Variants in XPO7 observed in about 807,000 individuals in gnomAD.
The protein encoded by XPO7 is exportin 7.
In XPO7, 21 loss-of-function variants were observed where a neutral mutation model predicts 144.3. The observed-to-expected ratio is 0.15, with a 90% CI of 0.10 to 0.21. The LOEUF (loss-of-function observed/expected upper bound fraction) is 0.21, where lower values mean the gene tolerates loss of function less well. Among genes scored for constraint, XPO7 ranks in the 10% least tolerant of loss-of-function variants. The pLI is 1.00. For synonymous variants in XPO7, 580 were observed against 499.6 expected (o/e 1.16, Z -2.15); for missense variants, 808 against 1,325.8 (o/e 0.61, Z 6.06).
intron 16 of XPO7, 128 bp downstream of exon 16, chr8:21,989,211 A>G: frequency 1.1e-6 from 1 of 902,798 alleles, no homozygotes; most frequent in Non-Finnish European, 1.6e-6. Context: ...CCATTTTCCT[A>G]GGAGTCCAAA....
Position 21,987,296 on chromosome 8 carries a change from C to T in XPO7, c.1713+20C>T. On this transcript the variant is annotated intron_variant, in intron 14 of 27. Coordinates refer to ENST00000252512, the MANE Select transcript of XPO7 (RefSeq NM_015024.5). ...TCTAAGGTAACAGCCTCTCAATTGG[C>T]TCCCCTTAGTTCTCACTTCTCACTT... The T allele has an allele frequency of 6.2e-7, 1 of 1,613,782 alleles. No individual in the cohort carries two copies. The highest frequency in any genetic ancestry group is 8.5e-7 in the Non-Finnish European group (1 of 1,179,746).
chr8:21,952,113 A>C (rs1219170253), intron 1 of XPO7, among the ~76,000 whole-genome samples: 1 of 152,204 alleles, frequency 6.6e-6, no homozygotes, highest in East Asian at 1.9e-4. Context: ...ATGCCACTTT[A>C]GGATGTGAGG....
In XPO7 at chr8:21,966,932, A is replaced by G; in HGVS notation, c.94A>G (p.Lys32Glu). 6.2e-7 allele frequency: 1 copy of G among 1,614,038 alleles called. No individual in the cohort carries two copies. The highest frequency in any genetic ancestry group is 8.5e-7 in the Non-Finnish European group (1 of 1,179,884). Reference sequence around the variant, plus strand: ...CACAACCACTCGACTCCAGGCAGAGAAAGCCTTGGTTGAATTTACCAACAG... The same window carrying G: ...CACAACCACTCGACTCCAGGCAGAGGAAGCCTTGGTTGAATTTACCAACAG... Reference protein sequence around the residue: ...TDTTTRLQAEKALVEFTNSPD... With the variant: ...TDTTTRLQAEEALVEFTNSPD... Residue 32 changes from lysine (K) to glutamate (E), a missense_variant, in exon 2 of 28, where the codon AAA (lysine) becomes GAA (glutamate). Lys to Glu is a moderately conservative substitution (Grantham distance 56). Around this residue, in one of 5 missense-constraint regions of XPO7, gnomAD observed 223 missense variants for 368.8 expected, o/e 0.60. Coordinates refer to ENST00000252512, the MANE Select transcript of XPO7 (RefSeq NM_015024.5).
In XPO7 at chr8:21,984,748, C is replaced by T. The variant is rs1267940579; in HGVS notation, c.1380C>T (p.Leu460=). 4 of 1,613,996 alleles carry T rather than the reference C, an allele frequency of 2.5e-6. No homozygotes were observed. In the South Asian group the frequency reaches 4.4e-5, roughly 18 times the overall value. The part of the protein sequence containing the change: ...GRCEYEKTCA[L]LVQLFDQSAQ... ...GTGAATATGAGAAGACGTGTGCACT[C>T]CTCGTGCAGTTGTTTGACCAGTCGG... Residue 460 remains leucine, a synonymous_variant, in exon 12 of 28, where the codon CTC becomes CTT. Transcript: ENST00000252512.
rs1443079818 is a variant in XPO7, at chr8:21,936,106, T to C, written c.18+16318T>C. Among the ~76,000 whole-genome samples the C allele has an allele frequency of 2.0e-5, 3 of 152,200 alleles. No homozygotes were observed. In the East Asian group the frequency reaches 5.8e-4, roughly 29 times the overall value. Reference sequence around the variant, plus strand: ...ACAATTTGCTAAGTGTAAATTCCTTTAGTTTCCAGTCTTTTAATGTCTGCT... The same window carrying C: ...ACAATTTGCTAAGTGTAAATTCCTTCAGTTTCCAGTCTTTTAATGTCTGCT... On this transcript the variant is annotated intron_variant, in intron 1 of 27. Coordinates refer to ENST00000252512, the MANE Select transcript of XPO7 (RefSeq NM_015024.5).
chr8:21,923,552 C>T (rs935385418), intron 1 of XPO7, among the ~76,000 whole-genome samples: 9 of 151,976 alleles, frequency 5.9e-5, no homozygotes, highest in Non-Finnish European at 1.2e-4. Flanking sequence ...AGTATATTTC[C>T]TGAGAAGCCT....
intron 1 of XPO7, among the ~76,000 whole-genome samples, chr8:21,941,671 A>G (rs146424448): frequency 6.6e-6 from 1 of 152,330 alleles, no homozygotes; most frequent in African/African-American, 2.4e-5. Context: ...GGCCAATTAT[A>G]TAAGGAAATG....
Position 21,957,815 on chromosome 8 carries a change from C to T in XPO7, c.19-9042C>T, listed in dbSNP as rs76879231. ...GGATTATAGGCATGCACAACCATGC[C>T]TGGCCTTGCTTTGCCTTCTTGTTTC... On this transcript the variant is annotated intron_variant, in intron 1 of 27. Coordinates refer to ENST00000252512, the MANE Select transcript of XPO7 (RefSeq NM_015024.5). Among the ~76,000 whole-genome samples, 11 of 152,296 alleles carry T rather than the reference C, an allele frequency of 7.2e-5. No individual in the cohort carries two copies. In the East Asian group the frequency reaches 2.1e-3, roughly 29 times the overall value.
chr8:21,994,090 C>T lies in XPO7; in HGVS notation c.2149-273C>T, dbSNP rs776266123. Reference sequence around the variant, plus strand: ...CTCTATTTTTGCTACGAACCAGGAACGTATTTTCTTGGCAAAACAAACTTC... The same window carrying T: ...CTCTATTTTTGCTACGAACCAGGAATGTATTTTCTTGGCAAAACAAACTTC... On this transcript the variant is annotated intron_variant, in intron 19 of 27. Coordinates refer to ENST00000252512, the MANE Select transcript of XPO7 (RefSeq NM_015024.5). 1.7e-4 allele frequency among the ~76,000 whole-genome samples: 26 copies of T among 151,922 alleles called. 1 individual carries two copies. Among genetic ancestry groups the T allele is most frequent in the Non-Finnish European group, 2.9e-4 (20 of 67,994 alleles).
intron 1 of XPO7, chr8:21,966,181 T>C (rs1377678246): frequency 2.9e-6 from 2 of 694,874 alleles, no homozygotes; most frequent in Non-Finnish European, 5.3e-6. Context: ...CCTTGTCTTA[T>C]CTGTGAGTGA....
At chr8:21,953,282 C>T (rs535480426) in intron 1 of XPO7, among the ~76,000 whole-genome samples, 1 of 152,126 alleles carries the variant, frequency 6.6e-6, no homozygotes, top group East Asian at 1.9e-4. Flanking sequence ...ATTTCTCCCC[C>T]CCTGCAAACT....
intron 2 of XPO7, among the ~76,000 whole-genome samples, chr8:21,967,633 A>T (rs1452789082): frequency 6.6e-6 from 1 of 152,052 alleles, no homozygotes; most frequent in Non-Finnish European, 1.5e-5. Context: ...ACACCCGGCC[A>T]ATAAATGACC....
chr8:21,930,197 T>G (rs1387474353), intron 1 of XPO7, among the ~76,000 whole-genome samples: 3 of 152,378 alleles, frequency 2.0e-5, no homozygotes, highest in Non-Finnish European at 4.4e-5. Context: ...TTCACCTATT[T>G]AACAGAATAG....
intron 1 of XPO7, among the ~76,000 whole-genome samples, chr8:21,932,128 A>G (rs1810673239): frequency 6.6e-6 from 1 of 152,082 alleles, no homozygotes; most frequent in Non-Finnish European, 1.5e-5. Context: ...CACGCCTCCC[A>G]AAGTGCTGAG....
chr8:22,003,590 G>A (rs1813226220), intron 26 of XPO7, among the ~76,000 whole-genome samples: 1 of 152,158 alleles, frequency 6.6e-6, no homozygotes, highest in South Asian at 2.1e-4. Context: ...ATGTACCTGG[G>A]TATCAGAGGA....
chr8:21,927,135 G>A (rs1013514251), intron 1 of XPO7, among the ~76,000 whole-genome samples: 1 of 152,020 alleles, frequency 6.6e-6, no homozygotes, highest in African/African-American at 2.4e-5. Flanking sequence ...TGTAGTCCCA[G>A]CTACTGGGGG....
chr8:21,975,107 A>C (rs1193142725), intron 6 of XPO7, among the ~76,000 whole-genome samples: 1 of 152,250 alleles, frequency 6.6e-6, no homozygotes, highest in Admixed American at 6.5e-5. Flanking sequence ...TAACCACATA[A>C]AATCTTTCTA....
At chr8:21,939,562 A>G (rs1810926068) in intron 1 of XPO7, among the ~76,000 whole-genome samples, 2 of 152,202 alleles carry the variant, frequency 1.3e-5, no homozygotes, top group Admixed American at 1.3e-4. Flanking sequence ...GTTACTTCCA[A>G]CAACCAAGTA....
chr8:22,003,740 A>G lies in XPO7; in HGVS notation c.3043-163A>G, dbSNP rs535492018. 2.6e-5 allele frequency among the ~76,000 whole-genome samples: 4 copies of G among 152,312 alleles called. No homozygotes were observed. In the South Asian group the frequency reaches 8.3e-4, roughly 32 times the overall value. ...GATATTCTTAGTAGGATGAAGCCAT[A>G]TTATCCCACAAGTGCTTGCCTGAAT... On this transcript the variant is annotated intron_variant, in intron 26 of 27. Coordinates refer to ENST00000252512, the MANE Select transcript of XPO7 (RefSeq NM_015024.5).
Sources: gnomAD v4.1 joint callset for allele counts (sites outside exome capture counted in the v4.1 genomes callset) on GRCh38, gnomAD v4.1.1 for gene constraint, gnomAD v4.1.1 regional missense constraint, MANE v1.5 for transcripts, NCBI Gene and HGNC (gene_info 2026-07-23, HGNC 2026-07-21) for gene names.